The following SLC35F3 variants were observed in gnomAD, a reference collection of about 807,000 sequenced individuals.
The protein encoded by SLC35F3 is solute carrier family 35 member F3.
Under a neutral mutation model 49.9 loss-of-function variants are expected in SLC35F3, and 25 were observed. That is an observed-to-expected ratio of 0.50 (90% CI 0.37 to 0.70). The LOEUF (loss-of-function observed/expected upper bound fraction) is 0.70, where lower values mean the gene tolerates loss of function less well. Among genes scored for constraint, SLC35F3 ranks in the 30% least tolerant of loss-of-function variants. The pLI is 0.00. For synonymous variants in SLC35F3, 275 were observed against 265.4 expected (o/e 1.04, Z -0.35); for missense variants, 525 against 639.8 (o/e 0.82, Z 1.94).
intron 2 of SLC35F3, among the ~76,000 whole-genome samples, chr1:233,983,096 C>G (rs1456026968): frequency 6.6e-6 from 1 of 152,154 alleles, no homozygotes; most frequent in Admixed American, 6.5e-5. Flanking sequence ...ATTTTTCATC[C>G]CTGATAAGAA....
chr1:234,076,100 CT>C (rs572431097), intron 2 of SLC35F3, among the ~76,000 whole-genome samples: 19 of 152,068 alleles, frequency 1.2e-4, no homozygotes, highest in Admixed American at 2.0e-4. Flanking sequence ...GTCTCAGATA[CT>C]TTTTGTTTTA....
intron 2 of SLC35F3, among the ~76,000 whole-genome samples, chr1:234,063,137 T>C (rs12061719): frequency 6.6e-6 from 1 of 152,098 alleles, no homozygotes; most frequent in African/African-American, 2.4e-5. Context: ...AGAGCCTCCG[T>C]CCTGTTCCCG....
intron 2 of SLC35F3, among the ~76,000 whole-genome samples, chr1:234,127,186 T>C (rs1173343233): frequency 6.6e-6 from 1 of 152,250 alleles, no homozygotes; most frequent in Non-Finnish European, 1.5e-5. Flanking sequence ...AATTGAATAC[T>C]CAATGCCCCT....
At chr1:233,999,677 G>C (rs538809877) in intron 2 of SLC35F3, among the ~76,000 whole-genome samples, 1 of 152,126 alleles carries the variant, frequency 6.6e-6, no homozygotes, top group African/African-American at 2.4e-5. Context: ...TCAGTCAAAG[G>C]CTGCCTCTGC....
At position 234,191,001 on chromosome 1, in the gene SLC35F3, C is replaced by T. The variant is rs376013634; in HGVS notation, c.284-40416C>T. 1.9e-4 allele frequency among the ~76,000 whole-genome samples: 29 copies of T among 152,238 alleles called. No individual in the cohort carries two copies. The East Asian group carries it at 3.7e-3, about 19-fold the overall frequency. ...GCTTCTAGTGAGCAAAGGCAGCTGC[C>T]GAGCTTCCACAGCCCTTCTTATATA... On this transcript the variant is annotated intron_variant, in intron 2 of 7. Coordinates refer to ENST00000366618, the MANE Select transcript of SLC35F3 (RefSeq NM_173508.4).
intron 2 of SLC35F3, among the ~76,000 whole-genome samples, chr1:234,151,791 C>T (rs1435196456): frequency 6.6e-6 from 1 of 151,998 alleles, no homozygotes; most frequent in African/African-American, 2.4e-5. Context: ...CATAGTAGTT[C>T]CTTACAGGAT....
At chr1:234,187,563 A>C (rs1348855486) in intron 2 of SLC35F3, among the ~76,000 whole-genome samples, 1 of 152,228 alleles carries the variant, frequency 6.6e-6, no homozygotes, top group Non-Finnish European at 1.5e-5. Flanking sequence ...CGCAGGACCC[A>C]GGAGACAGCC....
At chr1:234,131,277 A>G (rs1418471186) in intron 2 of SLC35F3, among the ~76,000 whole-genome samples, 1 of 152,174 alleles carries the variant, frequency 6.6e-6, no homozygotes, top group Non-Finnish European at 1.5e-5. Flanking sequence ...TCTCCTTAGG[A>G]AAATATGGGA....
intron 2 of SLC35F3, among the ~76,000 whole-genome samples, chr1:234,080,971 C>A (rs554482353): frequency 6.6e-6 from 1 of 152,116 alleles, no homozygotes; most frequent in Admixed American, 6.5e-5. Context: ...ATATTTAATT[C>A]TTTTTCTTCT....
intron 2 of SLC35F3, among the ~76,000 whole-genome samples, chr1:233,991,317 C>T (rs1415959802): frequency 6.6e-6 from 1 of 152,092 alleles, no homozygotes; most frequent in East Asian, 1.9e-4. Context: ...TAGATGCTTC[C>T]CAAATACACT....
At chr1:233,979,487 G>A (rs952169387) in intron 2 of SLC35F3, among the ~76,000 whole-genome samples, 6 of 152,192 alleles carry the variant, frequency 3.9e-5, no homozygotes, top group Non-Finnish European at 5.9e-5. Context: ...TCGCTTCTAC[G>A]AATGACAGCA....
intron 3 of SLC35F3, among the ~76,000 whole-genome samples, chr1:234,287,775 G>A (rs1211626509): frequency 6.6e-6 from 1 of 152,208 alleles, no homozygotes; most frequent in East Asian, 1.9e-4. Flanking sequence ...GAGGATGTAA[G>A]ACTTAAATAT....
intron 3 of SLC35F3, among the ~76,000 whole-genome samples, chr1:234,236,000 T>C (rs960701055): frequency 6.6e-6 from 1 of 151,956 alleles, no homozygotes; most frequent in Non-Finnish European, 1.5e-5. Context: ...GGCAATGCAC[T>C]AGAAATACAA....
intron 2 of SLC35F3, among the ~76,000 whole-genome samples, chr1:233,988,041 T>C (rs1314920199): frequency 6.6e-6 from 1 of 152,252 alleles, no homozygotes; most frequent in Non-Finnish European, 1.5e-5. Context: ...CAGTTTTATA[T>C]GCTAGAATAT....
At chr1:234,152,207 G>A (rs1240680715) in intron 2 of SLC35F3, among the ~76,000 whole-genome samples, 1 of 137,322 alleles carries the variant, frequency 7.3e-6, no homozygotes, top group African/African-American at 2.8e-5. Flanking sequence ...AGAAAATGGA[G>A]TAACATTATT....
chr1:234,086,203 T>A (rs897058140), intron 2 of SLC35F3, among the ~76,000 whole-genome samples: 4 of 152,204 alleles, frequency 2.6e-5, no homozygotes, highest in African/African-American at 7.2e-5. Flanking sequence ...ATTCATTTCC[T>A]TACTATCAGA....
chr1:234,005,487 A>T (rs1033008790), intron 2 of SLC35F3, among the ~76,000 whole-genome samples: 4 of 152,062 alleles, frequency 2.6e-5, no homozygotes, highest in Non-Finnish European at 5.9e-5. Flanking sequence ...ATGAAAATAA[A>T]CCTCCACTAA....
At chr1:234,319,558 C>T (rs1657567446) in intron 6 of SLC35F3, among the ~76,000 whole-genome samples, 1 of 151,506 alleles carries the variant, frequency 6.6e-6, no homozygotes, top group South Asian at 2.1e-4. Context: ...AAAAATTAGC[C>T]AGGTGCAGTG....
intron 2 of SLC35F3, among the ~76,000 whole-genome samples, chr1:233,936,536 TTCCTCC>T (rs751068558): frequency 6.9e-6 from 1 of 145,216 alleles, no homozygotes; most frequent in Non-Finnish European, 1.6e-5. Flanking sequence ...CTCCTCCTTC[TTCCTCC>T]TCCTCCTCCT....
Sources: allele counts gnomAD v4.1 joint callset (sites outside exome capture counted in the v4.1 genomes callset), GRCh38; gene constraint gnomAD v4.1.1; transcripts MANE v1.5; gene names NCBI Gene and HGNC (gene_info 2026-07-23, HGNC 2026-07-21).